PPP1R9A: variants seen among roughly 807,000 people sequenced by gnomAD.
The protein encoded by PPP1R9A is neurabin-1.
Under a neutral mutation model 141.9 loss-of-function variants are expected in PPP1R9A, and 59 were observed. That is an observed-to-expected ratio of 0.42 (90% CI 0.34 to 0.52). The LOEUF (loss-of-function observed/expected upper bound fraction) is 0.52, where lower values mean the gene tolerates loss of function less well. PPP1R9A is among the 20% of genes least tolerant of loss of function. The probability of loss-of-function intolerance (pLI) is 0.10; values close to 1 mark genes in which losing one functional copy is unlikely to be tolerated. For synonymous variants in PPP1R9A, 500 were observed against 569.7 expected, an observed-to-expected ratio of 0.88 and a Z score of 1.74; for missense variants, 1,444 against 1,611.9, an observed-to-expected ratio of 0.90 and a Z score of 1.78.
chr7:95,115,799 C>T (rs1821391418), intron 3 of PPP1R9A, among the ~76,000 whole-genome samples: 5 of 151,602 alleles, frequency 3.3e-5, no homozygotes, highest in South Asian at 4.2e-4. Flanking sequence ...TGCCTGTAGT[C>T]CCAGCTACTC....
At chr7:95,000,992 A>G (rs1257883486) in intron 2 of PPP1R9A, among the ~76,000 whole-genome samples, 1 of 152,168 alleles carries the variant, frequency 6.6e-6, no homozygotes, top group Admixed American at 6.6e-5. Context: ...TCTTGTGTAG[A>G]GCCCTGTGTC....
At chr7:95,175,237 AG>A (rs1832727974) in intron 5 of PPP1R9A, 1 of 149,798 alleles carries the variant, frequency 6.7e-6, no homozygotes, top group Non-Finnish European at 1.5e-5. Context: ...AGCCTATCAT[AG>A]TACGGATCAA....
chr7:94,978,306 C>G (rs951090124), intron 2 of PPP1R9A, among the ~76,000 whole-genome samples: 14 of 152,164 alleles, frequency 9.2e-5, no homozygotes, highest in African/African-American at 3.4e-4. Context: ...TTATGGCTAT[C>G]TACTAAATAT....
chr7:95,006,410 G>GT (rs927977806), intron 2 of PPP1R9A, among the ~76,000 whole-genome samples: 1 of 151,838 alleles, frequency 6.6e-6, no homozygotes, highest in African/African-American at 2.4e-5. Flanking sequence ...GTAGAGACAG[G>GT]GTTTTACCGT....
chr7:95,161,565 G>A (rs1830468041), intron 4 of PPP1R9A, among the ~76,000 whole-genome samples: 1 of 151,902 alleles, frequency 6.6e-6, no homozygotes, highest in Admixed American at 6.6e-5. Context: ...AATCGTCTCT[G>A]GATTACTTCT....
chr7:95,079,459 C>G (rs1815425091), intron 2 of PPP1R9A, among the ~76,000 whole-genome samples: 3 of 151,868 alleles, frequency 2.0e-5, no homozygotes, highest in African/African-American at 7.3e-5. Flanking sequence ...AGCTTACCAA[C>G]CAAAAAGAGT....
At chr7:95,039,851 A>G (rs1245404683) in intron 2 of PPP1R9A, among the ~76,000 whole-genome samples, 3 of 152,182 alleles carry the variant, frequency 2.0e-5, no homozygotes, top group Non-Finnish European at 4.4e-5. Flanking sequence ...ATTTGAAGTG[A>G]TAATGGCTAA....
chr7:94,947,112 A>T (rs1795978131), intron 2 of PPP1R9A, among the ~76,000 whole-genome samples: 1 of 152,120 alleles, frequency 6.6e-6, no homozygotes, highest in South Asian at 2.1e-4. Flanking sequence ...CTTTTAAGTG[A>T]AAGTTGTTAC....
At chr7:94,939,007 T>A (rs918046911) in intron 2 of PPP1R9A, among the ~76,000 whole-genome samples, 17 of 152,042 alleles carry the variant, frequency 1.1e-4, no homozygotes, top group African/African-American at 4.1e-4. Flanking sequence ...TAAGCAAATA[T>A]ATTAGTATTA....
At chr7:95,102,126 G>T (rs1323846435) in intron 2 of PPP1R9A, among the ~76,000 whole-genome samples, 1 of 152,130 alleles carries the variant, frequency 6.6e-6, no homozygotes, top group East Asian at 1.9e-4. Context: ...CCTATTAGAT[G>T]ATTTAGATAT....
At chr7:95,144,165 C>A (rs539567975) in intron 4 of PPP1R9A, among the ~76,000 whole-genome samples, 1 of 152,238 alleles carries the variant, frequency 6.6e-6, no homozygotes, top group Admixed American at 6.5e-5. Context: ...CCACTCCCCC[C>A]AGTCCCTGAT....
Position 95,158,499 on chromosome 7 carries a change from A to C in PPP1R9A, c.1650-3368A>C, listed in dbSNP as rs1410185516. ...GTGAGACCCCATCCCCCACCTCCCC[A>C]AAAAAGGAAGAAAATATAGAATCTT... is the stretch of plus-strand genomic sequence containing the variant. On this transcript the variant is annotated intron_variant, in intron 4 of 19. Transcript: ENST00000433360. Among the ~76,000 whole-genome samples the C allele has an allele frequency of 2.0e-5, 3 of 152,092 alleles. No homozygotes were observed. The East Asian group carries it at 5.8e-4, about 29-fold the overall frequency.
chr7:95,074,298 T>G (rs542807657), intron 2 of PPP1R9A, among the ~76,000 whole-genome samples: 1 of 152,294 alleles, frequency 6.6e-6, no homozygotes, highest in African/African-American at 2.4e-5. Context: ...TACTATAATT[T>G]ATTGATCCCC....
At chr7:95,060,500 C>G (rs1179763643) in intron 2 of PPP1R9A, among the ~76,000 whole-genome samples, 5 of 152,076 alleles carry the variant, frequency 3.3e-5, no homozygotes, top group Admixed American at 2.6e-4. Context: ...TTCACCAGTG[C>G]CAAATAAGAG....
At chr7:95,287,122 A>G (rs1295681898) in intron 18 of PPP1R9A, 1 of 1,613,354 alleles carries the variant, frequency 6.2e-7, no homozygotes, top group South Asian at 1.1e-5. Context: ...CCTGGATATG[A>G]TAGATGACGA....
At chr7:94,974,004 A>T (rs1036461782) in intron 2 of PPP1R9A, among the ~76,000 whole-genome samples, 2 of 152,180 alleles carry the variant, frequency 1.3e-5, no homozygotes, top group African/African-American at 4.8e-5. Context: ...GGCATGAGCC[A>T]CTATGCCTGA....
intron 4 of PPP1R9A, among the ~76,000 whole-genome samples, chr7:95,151,174 A>G (rs12669851): frequency 0.12 from 18,432 of 152,232 alleles, 1,245 homozygotes; most frequent in East Asian, 0.19. Context: ...AAAAACTTAC[A>G]CATAGATGTT....
At position 95,286,902 on chromosome 7, in the gene PPP1R9A, A is replaced by G. The variant is rs144045263; in HGVS notation, c.3729+577A>G. Among the ~76,000 whole-genome samples, 3 of 152,246 alleles carry G rather than the reference A, an allele frequency of 2.0e-5. No individual in the cohort carries two copies. The East Asian group carries it at 5.8e-4, about 29-fold the overall frequency. On this transcript the variant is annotated intron_variant, in intron 18 of 19. Coordinates refer to ENST00000433360, the MANE Select transcript of PPP1R9A (RefSeq NM_001166160.2). ...AGGACAGAAGGCACCATAAATAAAG[A>G]TATTTTTGCTCTAAATATTTGTTCT... is the stretch of plus-strand genomic sequence containing the variant.
intron 2 of PPP1R9A, among the ~76,000 whole-genome samples, chr7:95,100,922 G>T (rs1427827106): frequency 1.4e-5 from 2 of 142,182 alleles, no homozygotes; most frequent in East Asian, 2.1e-4. Flanking sequence ...GCGGGATCTC[G>T]GCTCACTGCA....
Sources: allele counts gnomAD v4.1 joint callset (sites outside exome capture counted in the v4.1 genomes callset), GRCh38; gene constraint gnomAD v4.1.1; transcripts MANE v1.5; gene names NCBI Gene and HGNC (gene_info 2026-07-23, HGNC 2026-07-21).